Variants in RFX8 observed in about 807,000 individuals in gnomAD.
RFX8 encodes the protein regulatory factor X8.
In RFX8, 46 loss-of-function variants were observed where a neutral mutation model predicts 54.6. The ratio of observed to expected loss-of-function variants is 0.84; its 90% CI spans 0.67 to 1.08. RFX8 has a LOEUF of 1.08. Among genes scored for constraint, RFX8 ranks in the 50% least tolerant of loss-of-function variants. The pLI, the probability that RFX8 is intolerant of heterozygous loss-of-function variation, is 0.00. For synonymous variants in RFX8, 192 were observed against 209.5 expected (o/e 0.92, Z 0.72); for missense variants, 536 against 562.3 (o/e 0.95, Z 0.47).
At chr2:101,446,308 T>A (rs1198014282) in intron 2 of RFX8, among the ~76,000 whole-genome samples, 1 of 152,176 alleles carries the variant, frequency 6.6e-6, no homozygotes, top group Non-Finnish European at 1.5e-5. Context: ...CCCAAGTAGC[T>A]GGGACTACAG....
At chr2:101,399,035 T>C (rs948957277) in intron 11 of RFX8, among the ~76,000 whole-genome samples, 1 of 152,238 alleles carries the variant, frequency 6.6e-6, no homozygotes, top group Non-Finnish European at 1.5e-5. Context: ...ATTCGTTATT[T>C]AATATCAGTA....
chr2:101,408,213 C>T (rs993428337), intron 9 of RFX8, among the ~76,000 whole-genome samples: 1 of 151,856 alleles, frequency 6.6e-6, no homozygotes, highest in Admixed American at 6.6e-5. Flanking sequence ...TGGCCGGGCG[C>T]GGTGGCTCAC....
chr2:101,429,163 A>G, intron 2 of RFX8: 1 of 570,042 alleles, frequency 1.8e-6, no homozygotes, highest in Non-Finnish European at 3.1e-6. Context: ...CTATCCACGA[A>G]TGGTAATTAT....
rs1558828696 is a variant in RFX8, at chr2:101,397,563, G to C, written c.1407C>G (p.Asn469Lys). 1 of 1,542,854 alleles carries C rather than the reference G, an allele frequency of 6.5e-7. No homozygotes were observed. Among genetic ancestry groups the C allele is most frequent in the Non-Finnish European group, 8.8e-7 (1 of 1,142,070 alleles). ...ATAAATAATCTCACACATTAGCATT[G>C]TTTTCTCTGAAATAAATATCTTCAG... ...QSSEDIYFRE[N>K]NANV Residue 469 changes from asparagine to lysine, a missense_variant, in exon 12 of 12, where the codon AAC (asparagine) becomes AAG (lysine). Transcript: ENST00000428343.
At position 101,421,510 on chromosome 2, in the gene RFX8, G is replaced by C. The variant is rs531574853; in HGVS notation, c.237+214C>G. 309 of 1,271,380 alleles carry C rather than the reference G, an allele frequency of 2.4e-4. 3 individuals are homozygous for C. The South Asian group carries it at 8.4e-3, about 34-fold the overall frequency. The allele number at this position is 1,271,380 out of a possible 1,614,324, so 78.8% of individuals were successfully genotyped here. A position where few individuals can be genotyped will look rare whatever the true frequency, so the allele number is the denominator to read the frequency against. Reference sequence around the variant, plus strand: ...TAAAGTTATCTGTATTAGCACCTTGGAGAATTTCCAACTGATTACACTGAA... The same window carrying C: ...TAAAGTTATCTGTATTAGCACCTTGCAGAATTTCCAACTGATTACACTGAA... On this transcript the variant is annotated intron_variant, in intron 4 of 11. Transcript: ENST00000428343.
chr2:101,399,401 T>C (rs1685304149), intron 11 of RFX8, among the ~76,000 whole-genome samples: 1 of 152,244 alleles, frequency 6.6e-6, no homozygotes, highest in Non-Finnish European at 1.5e-5. Context: ...CAGAAGCAGG[T>C]TTAATTAATC....
At chr2:101,457,495 A>C (rs1321337340) in intron 2 of RFX8, among the ~76,000 whole-genome samples, 1 of 152,186 alleles carries the variant, frequency 6.6e-6, no homozygotes. Flanking sequence ...CAGGTTGTTC[A>C]GTTTCCATGT....
chr2:101,404,295 C>T (rs1032600968), intron 10 of RFX8, among the ~76,000 whole-genome samples: 2 of 152,226 alleles, frequency 1.3e-5, no homozygotes, highest in African/African-American at 4.8e-5. Context: ...AGCCTGACAA[C>T]ATCGTCTTTC....
chr2:101,418,509 A>C (rs1686669024), intron 5 of RFX8, among the ~76,000 whole-genome samples: 1 of 152,192 alleles, frequency 6.6e-6, no homozygotes, highest in Non-Finnish European at 1.5e-5. Context: ...AAACAAAACA[A>C]AACAAAAGCC....
chr2:101,446,051 A>G lies in RFX8; in HGVS notation c.72+20726T>C, dbSNP rs1419543608. Among the ~76,000 whole-genome samples the G allele has an allele frequency of 3.7e-4, 23 of 62,056 alleles. 1 individual carries two copies. The highest frequency in any genetic ancestry group is 2.7e-3 in the Admixed American group (23 of 8,648). The allele number at this position is 62,056 out of a possible 152,430, so 40.7% of individuals were successfully genotyped here. On this transcript the variant is annotated intron_variant, in intron 2 of 11. Transcript: ENST00000428343. ...TTCTTACACTTGTGCTTTCTAAAAT[A>G]CACTTTTGTATGTTCTGAACGTGGC...
intron 2 of RFX8, among the ~76,000 whole-genome samples, chr2:101,424,507 C>T (rs1687061493): frequency 6.6e-6 from 1 of 152,118 alleles, no homozygotes; most frequent in Admixed American, 6.6e-5. Context: ...CCCAGTGATC[C>T]CATTACTGGG....
At chr2:101,423,356 G>A (rs1686979802) in intron 2 of RFX8, among the ~76,000 whole-genome samples, 1 of 151,994 alleles carries the variant, frequency 6.6e-6, no homozygotes, top group Admixed American at 6.6e-5. Context: ...GCCTCCCTGT[G>A]TCACTCATGC....
chr2:101,421,803 C>G, intron 3 of RFX8, 26 bp from the exon 4 acceptor site: 1 of 1,514,374 alleles, frequency 6.6e-7, no homozygotes, highest in Non-Finnish European at 9.0e-7. Flanking sequence ...AAAATTATTT[C>G]AGCATGTGGG....
At chr2:101,442,018 G>A (rs944661585) in intron 2 of RFX8, among the ~76,000 whole-genome samples, 4 of 152,166 alleles carry the variant, frequency 2.6e-5, no homozygotes, top group Non-Finnish European at 5.9e-5. Flanking sequence ...ATTAAACAAC[G>A]TTGAGGACTC....
chr2:101,397,558 G>T lies in RFX8; in HGVS notation c.1412C>A (p.Ala471Asp). ...SEDIYFRENN[A>D]NV ...TTCAAATAAATAATCTCACACATTA[G>T]CATTGTTTTCTCTGAAATAAATATC... The change falls in exon 12 of 12, where the codon GCT becomes GAT. Residue 471 changes from alanine (A) to aspartate (D), a missense_variant. Physicochemically the swap from Ala to Asp is moderately radical, Grantham distance 126 (BLOSUM62 -2). Coordinates refer to ENST00000428343, the MANE Select transcript of RFX8 (RefSeq NM_001145664.2). The T allele has an allele frequency of 6.5e-7, 1 of 1,539,670 alleles. No individual in the cohort carries two copies. The highest frequency in any genetic ancestry group is 8.8e-7 in the Non-Finnish European group (1 of 1,139,578).
Position 101,466,784 on chromosome 2 carries a change from A to G in RFX8, c.65T>C (p.Phe22Ser), listed in dbSNP as rs1185706522. ...TAATCTTCAACAACTTACCTTCCCA[A>G]AGGTGGCCGGGTTGACTTGGTTCTC... ...NTENQVNPAT[F>S]GKCEDHSPMK... Residue 22 changes from phenylalanine (F) to serine (S), a missense_variant, in exon 2 of 12, where the codon TTT (phenylalanine) becomes TCT (serine). Physicochemically the swap from Phe to Ser is radical, Grantham distance 155. Coordinates refer to ENST00000428343, the MANE Select transcript of RFX8 (RefSeq NM_001145664.2). 1.3e-6 allele frequency: 2 copies of G among 1,550,698 alleles called. No individual in the cohort carries two copies. Among genetic ancestry groups the G allele is most frequent in the Non-Finnish European group, 1.7e-6 (2 of 1,146,228 alleles).
chr2:101,436,901 G>A (rs6732190), intron 2 of RFX8, among the ~76,000 whole-genome samples: 41,056 of 152,034 alleles, frequency 0.27, 5,915 homozygotes, highest in South Asian at 0.35. Flanking sequence ...GTGCACAGAT[G>A]AAAATGCCAG....
intron 4 of RFX8, chr2:101,421,434 A>G (rs1686856959): frequency 9.1e-7 from 1 of 1,095,536 alleles, no homozygotes; most frequent in Non-Finnish European, 1.1e-6. Context: ...CACTTTATTC[A>G]AAATGAGCAG....
chr2:101,471,716 A>G (rs1690007877), intron 1 of RFX8, among the ~76,000 whole-genome samples: 1 of 152,172 alleles, frequency 6.6e-6, no homozygotes, highest in Non-Finnish European at 1.5e-5. Context: ...TGTCCATGAA[A>G]CAGAAACCTT....
Sources: gnomAD v4.1 joint callset for allele counts (sites outside exome capture counted in the v4.1 genomes callset) on GRCh38, gnomAD v4.1.1 for gene constraint, MANE v1.5 for transcripts, NCBI Gene and HGNC (gene_info 2026-07-23, HGNC 2026-07-21) for gene names.